The following NKAIN3 variants were observed in gnomAD, a reference collection of about 807,000 sequenced individuals.
The protein encoded by NKAIN3 is sodium/potassium-transporting ATPase subunit beta-1-interacting protein 3.
NKAIN3 carries 25 observed loss-of-function variants against 30.2 expected under a neutral mutation model. The ratio of observed to expected loss-of-function variants is 0.83; its 90% CI spans 0.60 to 1.16. The LOEUF is 1.16. Among genes scored for constraint, NKAIN3 ranks in the 50% most tolerant of loss-of-function variants. NKAIN3 has a pLI of 0.00. For missense variants in NKAIN3, 225 were observed against 254.1 expected, an observed-to-expected ratio of 0.89 and a Z score of 0.78; for synonymous variants, 91 against 89.6, an observed-to-expected ratio of 1.02 and a Z score of -0.09.
intron 4 of NKAIN3, among the ~76,000 whole-genome samples, chr8:62,835,569 G>A (rs1014450291): frequency 6.6e-5 from 10 of 151,964 alleles, no homozygotes; most frequent in African/African-American, 2.2e-4. Context: ...ACTTAAAAGC[G>A]GCCAACAAAC....
chr8:62,504,152 G>T (rs1345814915), intron 1 of NKAIN3, among the ~76,000 whole-genome samples: 1 of 152,136 alleles, frequency 6.6e-6, no homozygotes, highest in African/African-American at 2.4e-5. Flanking sequence ...CAAGGGATCT[G>T]GGTTGCATGC....
intron 3 of NKAIN3, among the ~76,000 whole-genome samples, chr8:62,613,329 T>C (rs1414404863): frequency 2.0e-5 from 3 of 152,304 alleles, no homozygotes; most frequent in Middle Eastern, 6.8e-3. Flanking sequence ...TTCAGGGCTT[T>C]AAATATGTCC....
At chr8:62,462,022 A>G (rs533083838) in intron 1 of NKAIN3, among the ~76,000 whole-genome samples, 2 of 152,322 alleles carry the variant, frequency 1.3e-5, no homozygotes, top group South Asian at 4.1e-4. Context: ...ATTATAATGG[A>G]CACATTATAA....
intron 4 of NKAIN3, among the ~76,000 whole-genome samples, chr8:62,869,450 T>C (rs1820524298): frequency 6.6e-6 from 1 of 152,214 alleles, no homozygotes; most frequent in Non-Finnish European, 1.5e-5. Context: ...CCTGTGTTAG[T>C]TTGCTTTTAA....
At chr8:62,724,026 A>G (rs1010862100) in intron 3 of NKAIN3, among the ~76,000 whole-genome samples, 2 of 152,068 alleles carry the variant, frequency 1.3e-5, no homozygotes, top group African/African-American at 2.4e-5. Context: ...AGGACTAATG[A>G]TTTCTTGAGT....
intron 1 of NKAIN3, among the ~76,000 whole-genome samples, chr8:62,417,086 C>G (rs1220095116): frequency 6.6e-6 from 1 of 151,814 alleles, no homozygotes; most frequent in African/African-American, 2.4e-5. Context: ...TTTTTTCACA[C>G]CCATTAACCT....
At chr8:62,812,605 A>G (rs2130716284) in intron 4 of NKAIN3, among the ~76,000 whole-genome samples, 1 of 151,570 alleles carries the variant, frequency 6.6e-6, no homozygotes, top group Non-Finnish European at 1.5e-5. Context: ...GTTCTAGGAG[A>G]GTTTTTTTTT....
chr8:62,802,400 G>A (rs200823289), intron 4 of NKAIN3, among the ~76,000 whole-genome samples: 30 of 152,306 alleles, frequency 2.0e-4, no homozygotes, highest in Admixed American at 3.3e-4. Flanking sequence ...AGGGAAGCCC[G>A]TCAGACTAAC....
intron 1 of NKAIN3, among the ~76,000 whole-genome samples, chr8:62,375,666 C>T (rs1817055785): frequency 6.6e-6 from 1 of 152,096 alleles, no homozygotes; most frequent in African/African-American, 2.4e-5. Context: ...AAGGTATATT[C>T]ATATGCTCAG....
At chr8:62,920,875 A>G (rs969868218) in intron 5 of NKAIN3, among the ~76,000 whole-genome samples, 3 of 152,232 alleles carry the variant, frequency 2.0e-5, no homozygotes, top group Admixed American at 6.5e-5. Flanking sequence ...AAGAGAGATG[A>G]TAATGGAAAG....
chr8:62,301,488 ACT>A (rs1814049122), intron 1 of NKAIN3, among the ~76,000 whole-genome samples: 1 of 152,116 alleles, frequency 6.6e-6, no homozygotes, highest in Non-Finnish European at 1.5e-5. Flanking sequence ...TCATTTGAAC[ACT>A]GTTTGAACAG....
rs1238589298 is a variant in NKAIN3, at chr8:62,901,299, A to G, written c.472-17154A>G. 5.9e-5 allele frequency among the ~76,000 whole-genome samples: 9 copies of G among 152,150 alleles called. No individual in the cohort carries two copies. In the East Asian group the frequency reaches 1.7e-3, roughly 29 times the overall value. On this transcript the variant is annotated intron_variant, in intron 4 of 6. Transcript: ENST00000623646. ...GGGCTTCACTCAAAGGTCTATCAGT[A>G]ACAAAAGATGGTACTGAACTGGGAG... is the stretch of plus-strand genomic sequence containing the variant.
intron 4 of NKAIN3, among the ~76,000 whole-genome samples, chr8:62,865,081 A>G (rs1030983026): frequency 3.9e-5 from 6 of 152,086 alleles, no homozygotes; most frequent in African/African-American, 1.4e-4. Context: ...GGAAAAAAAT[A>G]CGCTATGTTG....
At chr8:62,810,945 A>C (rs1818466367) in intron 4 of NKAIN3, among the ~76,000 whole-genome samples, 1 of 152,164 alleles carries the variant, frequency 6.6e-6, no homozygotes, top group African/African-American at 2.4e-5. Context: ...CTATAGTACA[A>C]TATTACAACC....
rs1452756602 is a variant in NKAIN3 at position 62,641,527 on chromosome 8, A to AT, written c.273+51734dup. Among the ~76,000 whole-genome samples, 58 of 152,282 alleles carry AT rather than the reference A, an allele frequency of 3.8e-4. 1 individual carries two copies. The highest frequency in any genetic ancestry group is 1.9e-3 in the South Asian group (9 of 4,826). On this transcript the variant is annotated intron_variant, in intron 3 of 6. Coordinates refer to ENST00000623646, the MANE Select transcript of NKAIN3 (RefSeq NM_001304533.3). Reference sequence around the variant, plus strand: ...CACATTTGCTTTTTGTAGGTTTTTGATAAGTGGTTGGGAGGACAACCAGCA... The same window carrying AT: ...CACATTTGCTTTTTGTAGGTTTTTGATTAAGTGGTTGGGAGGACAACCAGCA...
intron 5 of NKAIN3, among the ~76,000 whole-genome samples, chr8:62,926,547 A>T (rs1379178472): frequency 6.6e-6 from 1 of 152,170 alleles, no homozygotes; most frequent in African/African-American, 2.4e-5. Flanking sequence ...GGCCCCTAAA[A>T]GTGAATTATT....
intron 1 of NKAIN3, among the ~76,000 whole-genome samples, chr8:62,275,244 C>G (rs1388035698): frequency 1.3e-5 from 2 of 152,150 alleles, no homozygotes. Flanking sequence ...TCTCCACATC[C>G]TCTCCAGCAC....
intron 3 of NKAIN3, among the ~76,000 whole-genome samples, chr8:62,733,018 C>T (rs1692212356): frequency 6.6e-6 from 1 of 151,516 alleles, no homozygotes; most frequent in South Asian, 2.1e-4. Flanking sequence ...TTTTTTATTC[C>T]TGACACTATC....
At chr8:62,550,223 C>A (rs2129931717) in intron 1 of NKAIN3, among the ~76,000 whole-genome samples, 1 of 152,226 alleles carries the variant, frequency 6.6e-6, no homozygotes, top group African/African-American at 2.4e-5. Flanking sequence ...TTCATGCCTG[C>A]TCCCCTTTTT....
Sources: allele counts gnomAD v4.1 joint callset (sites outside exome capture counted in the v4.1 genomes callset), GRCh38; gene constraint gnomAD v4.1.1; transcripts MANE v1.5; gene names NCBI Gene and HGNC (gene_info 2026-07-23, HGNC 2026-07-21).